FHOD3: variants seen among roughly 807,000 people sequenced by gnomAD.
FHOD3 encodes the protein formin homology 2 domain containing 3, also known as FH1/FH2 domain-containing protein 3.
Under a neutral mutation model 173.0 loss-of-function variants are expected in FHOD3, and 90 were observed. The observed-to-expected ratio is 0.52, with a 90% CI of 0.44 to 0.62. FHOD3 has a LOEUF of 0.62. Ranked by LOEUF, FHOD3 falls within the 20% of genes least tolerant of loss-of-function variation. The pLI is 0.00. For missense variants in FHOD3, 1,945 were observed against 2,034.7 expected (o/e 0.96, Z 0.85); for synonymous variants, 828 against 823.0 (o/e 1.01, Z -0.10).
At chr18:36,666,265 C>A (rs1055021055) in intron 14 of FHOD3, among the ~76,000 whole-genome samples, 1 of 152,202 alleles carries the variant, frequency 6.6e-6, no homozygotes, top group Non-Finnish European at 1.5e-5. Flanking sequence ...CACATCCAGT[C>A]TCTGATGATG....
At chr18:36,647,909 G>A (rs1351966878) in intron 10 of FHOD3, among the ~76,000 whole-genome samples, 2 of 152,222 alleles carry the variant, frequency 1.3e-5, no homozygotes, top group Non-Finnish European at 2.9e-5. Flanking sequence ...TTGGAAAGGA[G>A]CATTAAGGGG....
intron 9 of FHOD3, among the ~76,000 whole-genome samples, chr18:36,618,431 G>A (rs1250571975): frequency 6.8e-6 from 1 of 147,140 alleles, no homozygotes; most frequent in African/African-American, 2.5e-5. Flanking sequence ...TCCTGCCTCA[G>A]CCTCCCGACT....
chr18:36,327,639 A>G (rs1334450487), intron 1 of FHOD3, among the ~76,000 whole-genome samples: 1 of 148,836 alleles, frequency 6.7e-6, no homozygotes, highest in East Asian at 1.9e-4. Flanking sequence ...CCCCACTGCC[A>G]TCATCTCTCT....
At chr18:36,492,588 A>C (rs988228949) in intron 3 of FHOD3, among the ~76,000 whole-genome samples, 6 of 152,318 alleles carry the variant, frequency 3.9e-5, no homozygotes, top group African/African-American at 1.4e-4. Context: ...ACCAATCATT[A>C]AGATTATTGT....
At chr18:36,653,290 C>A (rs993802936) in intron 12 of FHOD3, 52 bp from the exon 13 acceptor site, 20 of 1,373,356 alleles carry the variant, frequency 1.5e-5, no homozygotes, top group Admixed American at 2.2e-5. Flanking sequence ...TATCAAAGTC[C>A]TTTGCTATCT....
chr18:36,713,012 A>G (rs1241084659), intron 18 of FHOD3, among the ~76,000 whole-genome samples: 2 of 152,240 alleles, frequency 1.3e-5, no homozygotes, highest in African/African-American at 2.4e-5. Context: ...TAAATTCTAT[A>G]TCCCTCATAT....
chr18:36,412,934 A>G (rs560485465), intron 3 of FHOD3, among the ~76,000 whole-genome samples: 2 of 152,332 alleles, frequency 1.3e-5, no homozygotes, highest in African/African-American at 4.8e-5. Context: ...CTGGTGTCCT[A>G]GACACCTACC....
intron 14 of FHOD3, among the ~76,000 whole-genome samples, chr18:36,671,120 C>T (rs1312089925): frequency 6.6e-6 from 1 of 152,208 alleles, no homozygotes; most frequent in African/African-American, 2.4e-5. Context: ...CACCTAGTTA[C>T]TTGAGGGAAA....
intron 1 of FHOD3, among the ~76,000 whole-genome samples, chr18:36,303,183 A>G: frequency 6.6e-6 from 1 of 152,224 alleles, no homozygotes; most frequent in Non-Finnish European, 1.5e-5. Flanking sequence ...GGAATCCCCA[A>G]TTAACAGATG....
At chr18:36,485,505 G>T (rs542726982) in intron 3 of FHOD3, among the ~76,000 whole-genome samples, 1 of 152,296 alleles carries the variant, frequency 6.6e-6, no homozygotes, top group South Asian at 2.1e-4. Context: ...ACCATTCTGT[G>T]AAAGTCCAGG....
At chr18:36,735,662 A>G (rs2041594632) in intron 20 of FHOD3, among the ~76,000 whole-genome samples, 1 of 152,158 alleles carries the variant, frequency 6.6e-6, no homozygotes. Flanking sequence ...TTAAGTTGCT[A>G]CAGGAAAGTA....
intron 3 of FHOD3, among the ~76,000 whole-genome samples, chr18:36,406,899 A>G (rs1459518987): frequency 1.3e-5 from 2 of 152,070 alleles, no homozygotes; most frequent in East Asian, 3.9e-4. Flanking sequence ...CCACCTGCTT[A>G]CCTACGCATC....
chr18:36,399,064 G>C (rs944327260), intron 3 of FHOD3, among the ~76,000 whole-genome samples: 2 of 152,120 alleles, frequency 1.3e-5, no homozygotes, highest in Admixed American at 6.5e-5. Flanking sequence ...AGGAGAGTTT[G>C]GGTACCTTGT....
At chr18:36,720,735 T>TCCTC (rs1568670473) in intron 19 of FHOD3, among the ~76,000 whole-genome samples, 131 of 148,438 alleles carry the variant, frequency 8.8e-4, no homozygotes, top group African/African-American at 3.1e-3. Context: ...TCCTTCTTCT[T>TCCTC]CTCCTCCTCC....
chr18:36,544,094 G>A (rs1201312482), intron 5 of FHOD3, among the ~76,000 whole-genome samples: 2 of 152,222 alleles, frequency 1.3e-5, no homozygotes, highest in East Asian at 1.9e-4. Flanking sequence ...GCTTCTTGGA[G>A]TGCTCCCTGG....
intron 1 of FHOD3, among the ~76,000 whole-genome samples, chr18:36,299,741 G>A (rs570541635): frequency 6.6e-6 from 1 of 152,288 alleles, no homozygotes; most frequent in Non-Finnish European, 1.5e-5. Context: ...TTTCTAAGGT[G>A]TCCCTTATGG....
chr18:36,678,552 GA>G (rs1270785807), intron 14 of FHOD3, among the ~76,000 whole-genome samples: 1,528 of 107,154 alleles, frequency 0.014, 10 homozygotes, highest in Non-Finnish European at 0.024. Flanking sequence ...AAAAAAAGAA[GA>G]AAGAAAGAAA....
intron 10 of FHOD3, among the ~76,000 whole-genome samples, chr18:36,631,349 A>G (rs1180340687): frequency 6.6e-6 from 1 of 152,228 alleles, no homozygotes; most frequent in East Asian, 1.9e-4. Flanking sequence ...CAAAATAGCT[A>G]TGTGCCAATT....
intron 10 of FHOD3, among the ~76,000 whole-genome samples, chr18:36,626,549 G>A (rs1270253673): frequency 2.0e-5 from 3 of 152,124 alleles, no homozygotes; most frequent in Admixed American, 6.5e-5. Context: ...CTTCCCAAAT[G>A]GATGCTCTGA....
Sources: gnomAD v4.1 joint callset for allele counts (sites outside exome capture counted in the v4.1 genomes callset) on GRCh38, gnomAD v4.1.1 for gene constraint, MANE v1.5 for transcripts, NCBI Gene and HGNC (gene_info 2026-07-23, HGNC 2026-07-21) for gene names.